The following SYNJ2 variants were observed in gnomAD, a reference collection of about 807,000 sequenced individuals.
SYNJ2 encodes the protein synaptojanin 2.
SYNJ2 carries 116 observed loss-of-function variants against 141.3 expected under a neutral mutation model. The ratio of observed to expected loss-of-function variants is 0.82; its 90% CI spans 0.71 to 0.96. The LOEUF is 0.96. Among genes scored for constraint, SYNJ2 ranks in the 40% least tolerant of loss-of-function variants. The pLI, the probability that SYNJ2 is intolerant of heterozygous loss-of-function variation, is 0.00. For synonymous variants in SYNJ2, 745 were observed against 777.7 expected (o/e 0.96, Z 0.70); for missense variants, 1,873 against 1,934.8 (o/e 0.97, Z 0.60).
At chr6:158,088,631 T>G in intron 23 of SYNJ2, 29 bp from the exon 24 acceptor site, 1 of 1,570,434 alleles carries the variant, frequency 6.4e-7, no homozygotes, top group Non-Finnish European at 8.8e-7. Flanking sequence ...TCACTGAGAT[T>G]GAGACTCTGC....
chr6:158,094,913 T>C (rs1347963081), intron 26 of SYNJ2, among the ~76,000 whole-genome samples: 1 of 152,176 alleles, frequency 6.6e-6, no homozygotes, highest in Non-Finnish European at 1.5e-5. Flanking sequence ...TTTGGGAGGC[T>C]GAGGCGGGTG....
chr6:158,030,867 C>T (rs1779325578), intron 3 of SYNJ2: 1 of 152,250 alleles, frequency 6.6e-6, no homozygotes, highest in African/African-American at 2.4e-5. Context: ...TGCACTCCAG[C>T]CTGGGCTACA....
chr6:158,047,982 G>A (rs1441831089), intron 5 of SYNJ2, among the ~76,000 whole-genome samples: 2 of 152,052 alleles, frequency 1.3e-5, no homozygotes, highest in African/African-American at 2.4e-5. Flanking sequence ...CAGGGACACC[G>A]TGAGATGTAG....
At chr6:158,082,495 A>AG (rs1305058900) in intron 20 of SYNJ2, among the ~76,000 whole-genome samples, 2,940 of 149,474 alleles carry the variant, frequency 0.02, 41 homozygotes, top group Middle Eastern at 0.061. Context: ...TCCAAAAAAA[A>AG]AAAAAAAAAA....
At chr6:158,092,548 G>T (rs1467207242) in intron 25 of SYNJ2, among the ~76,000 whole-genome samples, 1 of 152,166 alleles carries the variant, frequency 6.6e-6, no homozygotes, top group Non-Finnish European at 1.5e-5. Flanking sequence ...GCTGAGGTAA[G>T]AAGACTGCAT....
In SYNJ2 at chr6:158,070,121, T is replaced by C; in HGVS notation, c.1940+448T>C. The C allele has an allele frequency of 1.0e-6, 1 of 982,388 alleles. No individual in the cohort carries two copies. Among genetic ancestry groups the C allele is most frequent in the South Asian group, 4.7e-5 (1 of 21,208 alleles). 60.9% of individuals were successfully genotyped at this position (982,388 alleles called of 1,614,324 possible). Reference sequence around the variant, plus strand: ...TGTCATTTCTCCAAGGTGCATGCTTTGTGAGCATCAGAAAGGGGGCGAGCT... The same window carrying C: ...TGTCATTTCTCCAAGGTGCATGCTTCGTGAGCATCAGAAAGGGGGCGAGCT... On this transcript the variant is annotated intron_variant, in intron 14 of 26. Coordinates refer to ENST00000355585, the MANE Select transcript of SYNJ2 (RefSeq NM_003898.4). This position sits in a 1 kb window ranked among gnomAD's most constrained non-coding sequence, Gnocchi z 4.0.
At chr6:157,981,824 G>A, upstream of SYNJ2, 1 of 774,258 alleles carries the variant, frequency 1.3e-6, no homozygotes, top group Admixed American at 4.5e-5. This position sits in a 1 kb window ranked among gnomAD's most constrained non-coding sequence, Gnocchi z 6.4. Flanking sequence ...GGAGGAGGCC[G>A]GGGAGGAGCC....
At chr6:158,077,960 T>G in intron 17 of SYNJ2, 1 of 463,216 alleles carries the variant, frequency 2.2e-6, no homozygotes, top group Non-Finnish European at 4.0e-6. Flanking sequence ...CATGACTGTT[T>G]TGAATAATTA....
intron 23 of SYNJ2, among the ~76,000 whole-genome samples, chr6:158,088,034 ATTTTTTTTTTTTTTTTTTTTTTTTT>A (rs568222551): frequency 2.2e-4 from 7 of 31,922 alleles, no homozygotes; most frequent in Admixed American, 1.6e-3. Context: ...CTGCTTTGGA[ATTTTTTTTTTTTTTTTTTTTTTTTT>A]TTTTTTTTTT....
Position 157,982,105 on chromosome 6 carries a change from G to A in SYNJ2, c.127+17G>A, listed in dbSNP as rs1424751075. 2.3e-6 allele frequency: 3 copies of A among 1,308,828 alleles called. No homozygotes were observed. Among genetic ancestry groups the A allele is most frequent in the Non-Finnish European group, 2.9e-6 (3 of 1,029,242 alleles). The allele number at this position is 1,308,828 out of a possible 1,614,324, so 81.1% of individuals were successfully genotyped here. A position where few individuals can be genotyped will look rare whatever the true frequency, so the allele number is the denominator to read the frequency against. The stretch of plus-strand genomic sequence containing the variant: ...CCACGCTGGGTGAGTCCGGGCCGGG[G>A]GCAGCGACGCCCGGAGGAGAGGGCG... On this transcript the variant is annotated intron_variant, in intron 1 of 26. Coordinates refer to ENST00000355585, the MANE Select transcript of SYNJ2 (RefSeq NM_003898.4). This position sits in a 1 kb window ranked among gnomAD's most constrained non-coding sequence, Gnocchi z 4.0.
chr6:157,983,820 T>C (rs1777097925), intron 1 of SYNJ2, among the ~76,000 whole-genome samples: 1 of 151,572 alleles, frequency 6.6e-6, no homozygotes, highest in South Asian at 2.1e-4. Flanking sequence ...AGTAGAAAAC[T>C]TTAAAAAAAA....
At chr6:158,076,543 T>C in intron 16 of SYNJ2, 83 bp from the exon 17 acceptor site, 1 of 1,449,984 alleles carries the variant, frequency 6.9e-7, no homozygotes, top group Non-Finnish European at 9.4e-7. Context: ...GAATAGGGAC[T>C]TGCCTTTTCA....
At chr6:158,046,519 T>C (rs1204622977) in intron 5 of SYNJ2, among the ~76,000 whole-genome samples, 1 of 152,188 alleles carries the variant, frequency 6.6e-6, no homozygotes, top group Non-Finnish European at 1.5e-5. Flanking sequence ...TTAGGTTAGA[T>C]GAAAAGTGCA....
chr6:158,044,288 A>G (rs1780118958), intron 5 of SYNJ2, among the ~76,000 whole-genome samples: 1 of 152,152 alleles, frequency 6.6e-6, no homozygotes, highest in Non-Finnish European at 1.5e-5. Flanking sequence ...TCCTGGGTTC[A>G]GCTTCTTAGC....
intron 2 of SYNJ2, among the ~76,000 whole-genome samples, chr6:158,022,907 G>A (rs1289961778): frequency 6.6e-6 from 1 of 152,134 alleles, no homozygotes; most frequent in Non-Finnish European, 1.5e-5. Flanking sequence ...GGGAGTCAGC[G>A]ACCCCCCACA....
At chr6:158,023,141 C>T (rs572069006) in intron 2 of SYNJ2, among the ~76,000 whole-genome samples, 31 of 151,924 alleles carry the variant, frequency 2.0e-4, no homozygotes, top group Admixed American at 2.0e-3. Context: ...GCCTGTAGTC[C>T]CAGCTACTTG....
At chr6:158,035,731 G>T (rs1245850186) in intron 4 of SYNJ2, among the ~76,000 whole-genome samples, 2 of 152,144 alleles carry the variant, frequency 1.3e-5, no homozygotes, top group Non-Finnish European at 2.9e-5. Flanking sequence ...TCCTTGTCCT[G>T]TGCTGGTTTT....
At chr6:158,031,561 C>T (rs1482475081) in intron 3 of SYNJ2, among the ~76,000 whole-genome samples, 1 of 152,234 alleles carries the variant, frequency 6.6e-6, no homozygotes, top group African/African-American at 2.4e-5. Flanking sequence ...ACAACTGAGT[C>T]ACCACGGGCA....
intron 18 of SYNJ2, among the ~76,000 whole-genome samples, chr6:158,079,562 G>A (rs764012534): frequency 1.3e-4 from 20 of 151,838 alleles, no homozygotes; most frequent in Non-Finnish European, 2.2e-4. Context: ...TAGTAGAAAC[G>A]GTTTTGCCAT....
Sources: allele counts gnomAD v4.1 joint callset (sites outside exome capture counted in the v4.1 genomes callset), GRCh38; gene constraint gnomAD v4.1.1; non-coding constraint Gnocchi (gnomAD v3.1); transcripts MANE v1.5; gene names NCBI Gene and HGNC (gene_info 2026-07-23, HGNC 2026-07-21).